Variants in PSMF1 observed in about 807,000 individuals in gnomAD.
The protein encoded by PSMF1 is proteasome inhibitor subunit 1, also known as proteasome inhibitor PI31 subunit.
A neutral mutation model predicts 29.3 loss-of-function variants in PSMF1; 30 were observed. The ratio of observed to expected loss-of-function variants is 1.02; its 90% CI spans 0.77 to 1.39. The LOEUF (loss-of-function observed/expected upper bound fraction) is 1.39, where lower values mean the gene tolerates loss of function less well. PSMF1 is among the 40% of genes most tolerant of loss of function. The pLI is 0.00. For missense variants in PSMF1, 344 were observed against 357.5 expected (o/e 0.96, Z 0.31); for synonymous variants, 134 against 139.7 (o/e 0.96, Z 0.29).
intron 2 of PSMF1, chr20:1,127,225 T>C (rs2122474262): frequency 1.3e-6 from 1 of 741,800 alleles, no homozygotes; most frequent in Non-Finnish European, 2.5e-6. Context: ...TGTTTTAGTC[T>C]CTGCCTTGGA....
At chr20:1,132,257 T>C (rs981490945) in intron 3 of PSMF1, among the ~76,000 whole-genome samples, 2 of 151,588 alleles carry the variant, frequency 1.3e-5, no homozygotes, top group African/African-American at 4.9e-5. Flanking sequence ...TTTTTTTTCT[T>C]TTTTCTTTCT....
rs1568488347 is a variant in PSMF1 at position 1,169,499 on chromosome 20, A to C, written c.*4419A>C. The stretch of plus-strand genomic sequence containing the variant: ...CTAAGGTGGATGTTGTGAGAGTCAC[A>C]GTGGGTTTAGAGGGACAAGGTAGTG... On this transcript the variant is annotated 3_prime_UTR_variant, in exon 7 of 7. Transcript: ENST00000335877. Among the ~76,000 whole-genome samples, 1 of 152,194 alleles carries C rather than the reference A, an allele frequency of 6.6e-6. No individual in the cohort carries two copies. The highest frequency in any genetic ancestry group is 1.5e-5 in the Non-Finnish European group (1 of 68,044).
At position 1,165,292 on chromosome 20, in the gene PSMF1, C is replaced by A; in HGVS notation, c.*212C>A. 1 of 1,413,166 alleles carries A rather than the reference C, an allele frequency of 7.1e-7. No individual in the cohort carries two copies. The highest frequency in any genetic ancestry group is 1.6e-5 in the South Asian group (1 of 63,538). The allele number at this position is 1,413,166 out of a possible 1,614,324, so 87.5% of individuals were successfully genotyped here. ...CTGCAGATAGCTCCCAAAGAGAAAT[C>A]AGTGTGTCTCTTTCACCATCAGCTC... On this transcript the variant is annotated 3_prime_UTR_variant, in exon 7 of 7. Transcript: ENST00000335877.
Position 1,149,793 on chromosome 20 carries a change from C to T in PSMF1, c.552-13337C>T, listed in dbSNP as rs183657552. ...GCCCACACCTGTAATCCCAGCACTTCAGGAGACTGAGACAAGTGAATTGCT... is the reference window on the plus strand; with the variant it reads ...GCCCACACCTGTAATCCCAGCACTTTAGGAGACTGAGACAAGTGAATTGCT... On this transcript the variant is annotated intron_variant, in intron 4 of 6. Transcript: ENST00000335877. Among the ~76,000 whole-genome samples the T allele has an allele frequency of 8.5e-5, 13 of 152,326 alleles. No individual in the cohort carries two copies. The East Asian group carries it at 2.5e-3, about 29-fold the overall frequency.
rs774246829 is a variant in PSMF1, at chr20:1,171,825, A to C, written c.*6745A>C. Reference sequence around the variant, plus strand: ...CCTGGACCTAGGTGTCTTGCCACCCAATACAGAGCCCTGCCCTCTCCCTCT... The same window carrying C: ...CCTGGACCTAGGTGTCTTGCCACCCCATACAGAGCCCTGCCCTCTCCCTCT... On this transcript the variant is annotated 3_prime_UTR_variant, in exon 7 of 7. Coordinates refer to ENST00000335877, the MANE Select transcript of PSMF1 (RefSeq NM_006814.5). Among the ~76,000 whole-genome samples, 3 of 152,234 alleles carry C rather than the reference A, an allele frequency of 2.0e-5. No individual in the cohort carries two copies. The highest frequency in any genetic ancestry group is 2.9e-5 in the Non-Finnish European group (2 of 68,042).
At chr20:1,123,622 A>G (rs1483573189) in intron 1 of PSMF1, among the ~76,000 whole-genome samples, 1 of 152,116 alleles carries the variant, frequency 6.6e-6, no homozygotes, top group Non-Finnish European at 1.5e-5. Context: ...CATATTTTGC[A>G]TTTTATCTCC....
At chr20:1,138,645 G>A (rs975302000) in intron 4 of PSMF1, among the ~76,000 whole-genome samples, 2 of 151,950 alleles carry the variant, frequency 1.3e-5, no homozygotes, top group South Asian at 2.1e-4. Flanking sequence ...GAAATATAGT[G>A]AGACCCTGTC....
chr20:1,161,680 C>T (rs1162151822), intron 4 of PSMF1: 3 of 657,604 alleles, frequency 4.6e-6, no homozygotes, highest in Admixed American at 4.0e-5. Flanking sequence ...CCTCCATGTC[C>T]ACCACAAATG....
At chr20:1,122,432 G>A (rs966684045) in intron 1 of PSMF1, among the ~76,000 whole-genome samples, 2 of 151,716 alleles carry the variant, frequency 1.3e-5, no homozygotes, top group African/African-American at 4.8e-5. Context: ...CAGTAGCTGG[G>A]ATTACAGGTC....
At chr20:1,158,706 G>A (rs1261360620) in intron 4 of PSMF1, among the ~76,000 whole-genome samples, 1 of 152,286 alleles carries the variant, frequency 6.6e-6, no homozygotes, top group East Asian at 1.9e-4. Flanking sequence ...TTTCCTGCAG[G>A]GTTAGAGTGG....
chr20:1,134,748 C>A (rs2086279724), intron 3 of PSMF1: 1 of 326,406 alleles, frequency 3.1e-6, no homozygotes, highest in Non-Finnish European at 6.0e-6. Flanking sequence ...GGAGCCTTTG[C>A]CTTCCATGAC....
chr20:1,115,737 CTT>C (rs11087011), upstream of PSMF1, among the ~76,000 whole-genome samples: 2 of 142,870 alleles, frequency 1.4e-5, no homozygotes, highest in Non-Finnish European at 3.0e-5. Context: ...CCTTAATCCA[CTT>C]TTTTTTTTTT....
intron 4 of PSMF1, among the ~76,000 whole-genome samples, chr20:1,160,313 C>T (rs955113542): frequency 4.6e-5 from 7 of 152,104 alleles, no homozygotes; most frequent in African/African-American, 1.7e-4. Context: ...TTAAAACATT[C>T]CCAGAACATG....
chr20:1,113,653 C>G (rs2085987953), upstream of PSMF1, among the ~76,000 whole-genome samples: 2 of 151,900 alleles, frequency 1.3e-5, no homozygotes, highest in Admixed American at 1.3e-4. Context: ...CTATTCCATG[C>G]TGGCTGCTGG....
chr20:1,161,918 G>T (rs1389481164), intron 4 of PSMF1, among the ~76,000 whole-genome samples: 5 of 152,174 alleles, frequency 3.3e-5, no homozygotes, highest in Non-Finnish European at 7.3e-5. Flanking sequence ...CTTGGTATTT[G>T]TTTAATACTC....
At chr20:1,139,129 C>T (rs887773058) in intron 4 of PSMF1, among the ~76,000 whole-genome samples, 7 of 152,240 alleles carry the variant, frequency 4.6e-5, no homozygotes, top group South Asian at 2.1e-4. Flanking sequence ...GCCGAGATCA[C>T]GCCACTGCAC....
intron 1 of PSMF1, among the ~76,000 whole-genome samples, chr20:1,122,276 T>C (rs2086097577): frequency 7.2e-6 from 1 of 139,250 alleles, no homozygotes; most frequent in African/African-American, 2.7e-5. Flanking sequence ...GAGTTTTCTT[T>C]TCTTTTTCTT....
At chr20:1,138,884 C>T (rs1357747637) in intron 4 of PSMF1, among the ~76,000 whole-genome samples, 1 of 151,706 alleles carries the variant, frequency 6.6e-6, no homozygotes, top group Admixed American at 6.6e-5. Context: ...ACAAATTCAG[C>T]AATAGGAGGG....
At chr20:1,133,569 A>ATATATATATATATATTTT in intron 3 of PSMF1, among the ~76,000 whole-genome samples, 591 of 53,106 alleles carry the variant, frequency 0.011, 18 homozygotes, top group South Asian at 0.022. Context: ...ATATATATAT[A>ATATATATATATATATTTT]TTTTTTTTTT....
Sources: gnomAD v4.1 joint callset for allele counts (sites outside exome capture counted in the v4.1 genomes callset) on GRCh38, gnomAD v4.1.1 for gene constraint, MANE v1.5 for transcripts, NCBI Gene and HGNC (gene_info 2026-07-23, HGNC 2026-07-21) for gene names.